NRIP1: variants seen among roughly 807,000 people sequenced by gnomAD.
NRIP1 encodes nuclear receptor-interacting protein 1.
Under a neutral mutation model 75.0 loss-of-function variants are expected in NRIP1, and 28 were observed. The ratio of observed to expected loss-of-function variants is 0.37; its 90% CI spans 0.28 to 0.51. The LOEUF (loss-of-function observed/expected upper bound fraction) is 0.51. NRIP1 is among the 20% of genes least tolerant of loss of function. The probability of loss-of-function intolerance (pLI) is 0.92; values close to 1 mark genes in which losing one functional copy is unlikely to be tolerated. For synonymous variants in NRIP1, 526 were observed against 487.6 expected (o/e 1.08, Z -1.04); for missense variants, 1,435 against 1,343.7 (o/e 1.07, Z -1.06).
At position 14,961,540 on chromosome 21, in the gene NRIP1, A is replaced by G. The variant is rs2086590531; in HGVS notation, c.*3176T>C. On this transcript the variant is annotated 3_prime_UTR_variant, in exon 4 of 4. Transcript: ENST00000318948. ...AAAATTCATGAAAGTAGTTGTGTGA[A>G]TTCTTTATGTTTAAAAGTGGTTGAC... The G allele has an allele frequency of 6.6e-6, 1 of 152,438 alleles. No homozygotes were observed. The highest frequency in any genetic ancestry group is 6.6e-5 in the Admixed American group (1 of 15,244). 9.4% of individuals were successfully genotyped at this position (152,438 alleles called of 1,614,324 possible). A position where few individuals can be genotyped will look rare whatever the true frequency, so the allele number is the denominator to read the frequency against.
intron 3 of NRIP1, chr21:14,974,451 A>C (rs926703615): frequency 1.3e-5 from 2 of 152,212 alleles, no homozygotes; most frequent in Non-Finnish European, 2.9e-5. Context: ...ATTGCCCAAT[A>C]TATTTCATTT....
At chr21:15,044,445 G>A (rs1052133119) in intron 1 of NRIP1, among the ~76,000 whole-genome samples, 1 of 151,854 alleles carries the variant, frequency 6.6e-6, no homozygotes, top group South Asian at 2.1e-4. Context: ...TGGTGGCTGA[G>A]GAAACTTTAT....
Position 14,966,717 on chromosome 21 carries a change from T to C in NRIP1, c.1476A>G (p.Leu492=). 6.2e-7 allele frequency: 1 copy of C among 1,614,086 alleles called. No individual in the cohort carries two copies. Among genetic ancestry groups the C allele is most frequent in the Non-Finnish European group, 8.5e-7 (1 of 1,179,988 alleles). The part of the protein sequence containing the change: ...EDQDTSKNSK[L]NSHQKVTLLQ... Reference sequence around the variant, plus strand: ...GAAGTGTTACTTTCTGGTGTGAGTTTAGCTTAGAATTCTTTGAGGTATCTT... The same window carrying C: ...GAAGTGTTACTTTCTGGTGTGAGTTCAGCTTAGAATTCTTTGAGGTATCTT... Residue 492 remains leucine (L), a synonymous_variant, in exon 4 of 4, where the codon CTA becomes CTG. Coordinates refer to ENST00000318948, the MANE Select transcript of NRIP1 (RefSeq NM_003489.4).
At chr21:15,020,599 A>G (rs2088350624) in intron 2 of NRIP1, among the ~76,000 whole-genome samples, 1 of 152,210 alleles carries the variant, frequency 6.6e-6, no homozygotes, top group South Asian at 2.1e-4. Context: ...AATGTCATCA[A>G]ATTGAAAGAT....
At chr21:14,997,583 C>A (rs1467885533) in intron 3 of NRIP1, among the ~76,000 whole-genome samples, 2 of 151,682 alleles carry the variant, frequency 1.3e-5, no homozygotes, top group Admixed American at 1.3e-4. Context: ...CTGTTATTAA[C>A]AGCAGGATAA....
At chr21:15,064,532 TG>T (rs1978678576) in intron 1 of NRIP1, among the ~76,000 whole-genome samples, 2 of 151,560 alleles carry the variant, frequency 1.3e-5, no homozygotes, top group South Asian at 4.2e-4. Flanking sequence ...CTCCACAACT[TG>T]CCGGCCCGCC....
At chr21:15,031,564 T>C (rs2088692515) in intron 2 of NRIP1, among the ~76,000 whole-genome samples, 1 of 144,398 alleles carries the variant, frequency 6.9e-6, no homozygotes, top group African/African-American at 2.6e-5. Flanking sequence ...ACATTCCCTT[T>C]CTATGTGTAT....
intron 3 of NRIP1, among the ~76,000 whole-genome samples, chr21:14,984,298 G>A (rs2087328647): frequency 5.3e-5 from 8 of 151,844 alleles, no homozygotes. Flanking sequence ...AACTAGAAGT[G>A]AGCCTAAAGA....
At chr21:14,989,185 T>C (rs966516438) in intron 3 of NRIP1, among the ~76,000 whole-genome samples, 2 of 152,212 alleles carry the variant, frequency 1.3e-5, no homozygotes, top group Non-Finnish European at 2.9e-5. Context: ...TGAAGAACTC[T>C]GCAAACGCTC....
intron 2 of NRIP1, among the ~76,000 whole-genome samples, chr21:15,022,412 T>G (rs1210102524): frequency 6.6e-6 from 1 of 152,070 alleles, no homozygotes; most frequent in Admixed American, 6.5e-5. Flanking sequence ...AGGGAGAGCA[T>G]CAGGAAGAAT....
chr21:14,969,358 A>C (rs2086844365), intron 3 of NRIP1, among the ~76,000 whole-genome samples: 1 of 152,212 alleles, frequency 6.6e-6, no homozygotes, highest in South Asian at 2.1e-4. Context: ...GAAGACAGGG[A>C]GGGCATAAAC....
rs2086784584 is a variant in NRIP1 at position 14,967,386 on chromosome 21, A to G, written c.807T>C (p.Leu269=). The change falls in exon 4 of 4, where the codon CTT becomes CTC. Residue 269 remains leucine (L), a synonymous_variant. Transcript: ENST00000318948. ...GCTGCAAATGGGCTTCGCTTGACAG[A>G]AGTAATGCTAACTGGCTACAAGCAA... ...PSVACSQLAL[L]LSSEAHLQQY... is the part of the protein sequence containing the mutation. 1 of 1,614,126 alleles carries G rather than the reference A, an allele frequency of 6.2e-7. No homozygotes were observed. The highest frequency in any genetic ancestry group is 1.3e-5 in the African/African-American group (1 of 75,056).
intron 3 of NRIP1, among the ~76,000 whole-genome samples, chr21:15,006,540 T>C (rs1964487921): frequency 1.3e-5 from 2 of 152,164 alleles, no homozygotes; most frequent in African/African-American, 4.8e-5. Context: ...TGCTGGTTTG[T>C]CATCATCAGA....
chr21:14,984,890 T>A (rs1219214399), intron 3 of NRIP1, among the ~76,000 whole-genome samples: 1 of 152,232 alleles, frequency 6.6e-6, no homozygotes, highest in Admixed American at 6.5e-5. Context: ...TTTTTAGCTA[T>A]AAGGTATTTT....
In NRIP1 at chr21:14,964,623, A is replaced by G; in HGVS notation, c.*93T>C. ...AAATGAAAAAAGTTTCAATTATACC[A>G]TGCTTTTTTTCAAATCATGCTCTTA... On this transcript the variant is annotated 3_prime_UTR_variant, in exon 4 of 4. Coordinates refer to ENST00000318948, the MANE Select transcript of NRIP1 (RefSeq NM_003489.4). 2 of 1,010,280 alleles carry G rather than the reference A, an allele frequency of 2.0e-6. No individual in the cohort carries two copies. The highest frequency in any genetic ancestry group is 2.8e-6 in the Non-Finnish European group (2 of 709,170). 62.6% of individuals were successfully genotyped at this position (1,010,280 alleles called of 1,614,324 possible). A position where few individuals can be genotyped will look rare whatever the true frequency, so the allele number is the denominator to read the frequency against.
At chr21:14,993,428 T>C (rs2147081654) in intron 3 of NRIP1, among the ~76,000 whole-genome samples, 1 of 152,304 alleles carries the variant, frequency 6.6e-6, no homozygotes, top group African/African-American at 2.4e-5. Flanking sequence ...ATCCCTTCTA[T>C]ATTCATATCT....
intron 3 of NRIP1, among the ~76,000 whole-genome samples, chr21:14,982,289 C>A (rs1295300520): frequency 6.6e-6 from 1 of 152,010 alleles, no homozygotes; most frequent in Non-Finnish European, 1.5e-5. Context: ...TATAGAAATT[C>A]TTGTCATTAA....
intron 3 of NRIP1, among the ~76,000 whole-genome samples, chr21:14,968,983 T>C (rs942872762): frequency 6.6e-6 from 1 of 152,328 alleles, no homozygotes; most frequent in East Asian, 1.9e-4. Flanking sequence ...CAGACTCTGA[T>C]GAGTCTGATG....
chr21:15,032,006 T>C (rs1219271615), intron 2 of NRIP1, among the ~76,000 whole-genome samples: 1 of 152,174 alleles, frequency 6.6e-6, no homozygotes, highest in Non-Finnish European at 1.5e-5. Context: ...GATCACCACA[T>C]TCCCTTTCTA....
Sources: gnomAD v4.1 joint callset for allele counts (sites outside exome capture counted in the v4.1 genomes callset) on GRCh38, gnomAD v4.1.1 for gene constraint, MANE v1.5 for transcripts, NCBI Gene and HGNC (gene_info 2026-07-23, HGNC 2026-07-21) for gene names.